EEFSEC: variants seen among roughly 807,000 people sequenced by gnomAD.
EEFSEC encodes selenocysteine-specific elongation factor.
In EEFSEC, 43 loss-of-function variants were observed where a neutral mutation model predicts 42.1. The observed-to-expected ratio is 1.02, with a 90% CI of 0.80 to 1.32. The LOEUF (loss-of-function observed/expected upper bound fraction) is 1.32. EEFSEC is among the 40% of genes most tolerant of loss of function. EEFSEC has a pLI of 0.00. For missense variants in EEFSEC, 745 were observed against 803.6 expected, an observed-to-expected ratio of 0.93 and a Z score of 0.88; for synonymous variants, 354 against 339.1, an observed-to-expected ratio of 1.04 and a Z score of -0.48.
intron 5 of EEFSEC, among the ~76,000 whole-genome samples, chr3:128,357,202 A>G (rs1398781907): frequency 2.0e-5 from 3 of 152,264 alleles, no homozygotes; most frequent in Admixed American, 1.3e-4. Flanking sequence ...CCATGCTGCC[A>G]TCCCAAAAGC....
rs79420544 is a variant in EEFSEC at position 128,392,225 on chromosome 3, C to G, written c.1601-15844C>G. Among the ~76,000 whole-genome samples the G allele has an allele frequency of 8.6e-3, 1,306 of 152,310 alleles. 23 individuals are homozygous for G. The highest frequency in any genetic ancestry group is 0.03 in the African/African-American group (1,249 of 41,564). Reference sequence around the variant, plus strand: ...AGGCAGAAGAGACCCGCACCAGCCCCCCGTGAGGGCAGCAGACATTGCAGA... The same window carrying G: ...AGGCAGAAGAGACCCGCACCAGCCCGCCGTGAGGGCAGCAGACATTGCAGA... On this transcript the variant is annotated intron_variant, in intron 6 of 6. Coordinates refer to ENST00000254730, the MANE Select transcript of EEFSEC (RefSeq NM_021937.5).
At chr3:128,355,522 A>G (rs1230928151) in intron 5 of EEFSEC, among the ~76,000 whole-genome samples, 2 of 151,190 alleles carry the variant, frequency 1.3e-5, no homozygotes, top group African/African-American at 4.9e-5. Flanking sequence ...ACAGGCATGT[A>G]TATGTATACA....
At chr3:128,261,284 A>G (rs1410001923) in intron 2 of EEFSEC, among the ~76,000 whole-genome samples, 1 of 152,216 alleles carries the variant, frequency 6.6e-6, no homozygotes, top group Non-Finnish European at 1.5e-5. Context: ...TAAGATGGCA[A>G]CAACTCCATC....
At chr3:128,327,118 T>C (rs1280735505) in intron 4 of EEFSEC, among the ~76,000 whole-genome samples, 1 of 152,200 alleles carries the variant, frequency 6.6e-6, no homozygotes, top group Non-Finnish European at 1.5e-5. Flanking sequence ...GGACACCTCA[T>C]GTCACACATC....
intron 6 of EEFSEC, among the ~76,000 whole-genome samples, chr3:128,360,961 T>C (rs1420847426): frequency 6.6e-6 from 1 of 151,514 alleles, no homozygotes; most frequent in African/African-American, 2.4e-5. Flanking sequence ...GTGCCTTAAT[T>C]GTGAAAGAAT....
chr3:128,320,688 G>A (rs369928504), intron 4 of EEFSEC, among the ~76,000 whole-genome samples: 3 of 152,318 alleles, frequency 2.0e-5, no homozygotes, highest in African/African-American at 7.2e-5. Flanking sequence ...TTCTGGGTGT[G>A]GCAGATGCAA....
intron 4 of EEFSEC, among the ~76,000 whole-genome samples, chr3:128,310,014 T>A (rs1559913966): frequency 6.6e-6 from 1 of 152,228 alleles, no homozygotes; most frequent in African/African-American, 2.4e-5. Context: ...AAAGGAGCAG[T>A]TGCTTTTCCA....
At chr3:128,371,775 C>G (rs961233401) in intron 6 of EEFSEC, among the ~76,000 whole-genome samples, 1 of 152,224 alleles carries the variant, frequency 6.6e-6, no homozygotes, top group African/African-American at 2.4e-5. Flanking sequence ...GGCATGCCCC[C>G]AGAGTCCCAG....
intron 4 of EEFSEC, among the ~76,000 whole-genome samples, chr3:128,333,095 G>A (rs1245451083): frequency 6.6e-6 from 1 of 152,198 alleles, no homozygotes; most frequent in African/African-American, 2.4e-5. Context: ...ATTAAGTAAT[G>A]ATGAAGTTGC....
intron 6 of EEFSEC, among the ~76,000 whole-genome samples, chr3:128,360,607 A>G (rs1365215758): frequency 1.3e-5 from 2 of 151,534 alleles, no homozygotes; most frequent in Non-Finnish European, 2.9e-5. Context: ...AAGAACCAAG[A>G]GGAGTCTTGG....
chr3:128,356,703 G>A (rs1289953722), intron 5 of EEFSEC, among the ~76,000 whole-genome samples: 1 of 152,194 alleles, frequency 6.6e-6, no homozygotes, highest in Non-Finnish European at 1.5e-5. Context: ...TCCCTTTCCT[G>A]GAGGCATCAG....
chr3:128,349,855 C>T (rs2067362108), intron 5 of EEFSEC, among the ~76,000 whole-genome samples: 1 of 152,228 alleles, frequency 6.6e-6, no homozygotes, highest in Non-Finnish European at 1.5e-5. Flanking sequence ...GCTGAGTACT[C>T]CACCTGGCAC....
intron 4 of EEFSEC, among the ~76,000 whole-genome samples, chr3:128,326,138 T>G (rs2067061229): frequency 6.6e-6 from 1 of 152,222 alleles, no homozygotes; most frequent in Non-Finnish European, 1.5e-5. Flanking sequence ...TCCAGACAAC[T>G]GCAGTGAGGA....
At chr3:128,245,584 G>T (rs2066118631) in intron 1 of EEFSEC, among the ~76,000 whole-genome samples, 1 of 152,202 alleles carries the variant, frequency 6.6e-6, no homozygotes, top group Admixed American at 6.5e-5. Context: ...ACACCGTTCT[G>T]TGGGAGGCCA....
At chr3:128,351,877 C>A (rs1249242399) in intron 5 of EEFSEC, among the ~76,000 whole-genome samples, 1 of 152,218 alleles carries the variant, frequency 6.6e-6, no homozygotes, top group Non-Finnish European at 1.5e-5. Context: ...CCACTTAGCG[C>A]CATTGTTGTA....
chr3:128,374,115 C>T (rs2067683940), intron 6 of EEFSEC, among the ~76,000 whole-genome samples: 1 of 152,214 alleles, frequency 6.6e-6, no homozygotes, highest in African/African-American at 2.4e-5. Flanking sequence ...CTGGAGGGTG[C>T]AGTTGGAAAC....
chr3:128,238,897 C>G (rs1220765522), intron 1 of EEFSEC, among the ~76,000 whole-genome samples: 2 of 152,352 alleles, frequency 1.3e-5, no homozygotes, highest in African/African-American at 4.8e-5. Context: ...TAAACTTCTT[C>G]TGGTCCACGT....
chr3:128,167,593 T>G (rs933615875), intron 1 of EEFSEC, among the ~76,000 whole-genome samples: 1 of 152,238 alleles, frequency 6.6e-6, no homozygotes, highest in Non-Finnish European at 1.5e-5. Flanking sequence ...ATAGCAGATT[T>G]CTGCCATGCT....
At chr3:128,217,010 AT>A (rs1221767288) in intron 1 of EEFSEC, among the ~76,000 whole-genome samples, 19 of 152,302 alleles carry the variant, frequency 1.2e-4, no homozygotes, top group African/African-American at 4.3e-4. Context: ...GTAGATAATA[AT>A]TTTTATTATA....
Sources: allele counts gnomAD v4.1 joint callset (sites outside exome capture counted in the v4.1 genomes callset), GRCh38; gene constraint gnomAD v4.1.1; transcripts MANE v1.5; gene names NCBI Gene and HGNC (gene_info 2026-07-23, HGNC 2026-07-21).